The following SGK1 variants were observed in gnomAD, a reference collection of about 807,000 sequenced individuals.
SGK1 encodes serum/glucocorticoid regulated kinase 1, also known as serine/threonine-protein kinase Sgk1.
SGK1 carries 26 observed loss-of-function variants against 64.2 expected under a neutral mutation model. The ratio of observed to expected loss-of-function variants is 0.40; its 90% CI spans 0.30 to 0.56. SGK1 has a LOEUF of 0.56. Ranked by LOEUF, SGK1 falls within the 20% of genes least tolerant of loss-of-function variation. SGK1 has a pLI of 0.38. For missense variants in SGK1, 519 were observed against 645.6 expected, an observed-to-expected ratio of 0.80 and a Z score of 2.12; for synonymous variants, 265 against 239.7, an observed-to-expected ratio of 1.11 and a Z score of -0.98.
At chr6:134,275,525 G>A (rs1236583268) in intron 1 of SGK1, among the ~76,000 whole-genome samples, 2 of 152,236 alleles carry the variant, frequency 1.3e-5, no homozygotes, top group East Asian at 3.9e-4. Context: ...TGAAACAATT[G>A]GTTCCCCACT....
intron 2 of SGK1, among the ~76,000 whole-genome samples, chr6:134,251,439 A>G (rs969426626): frequency 6.6e-6 from 1 of 152,218 alleles, no homozygotes; most frequent in Admixed American, 6.5e-5. Context: ...AGAAGCAGGA[A>G]AGATTTGGTT....
intron 3 of SGK1, among the ~76,000 whole-genome samples, chr6:134,202,841 A>C (rs999539902): frequency 1.3e-5 from 2 of 152,246 alleles, no homozygotes; most frequent in Non-Finnish European, 2.9e-5. Flanking sequence ...GGTTTAGTAC[A>C]TATATAGATA....
intron 5 of SGK1, 97 bp from the exon 6 acceptor site, chr6:134,173,663 CTGATGCAAA>C: frequency 2.5e-6 from 2 of 807,586 alleles, no homozygotes; most frequent in Non-Finnish European, 3.9e-6. Flanking sequence ...CTACAAATGA[CTGATGCAAA>C]TGACCATACA....
At chr6:134,287,545 G>C (rs138116230) in intron 1 of SGK1, among the ~76,000 whole-genome samples, 1,972 of 149,590 alleles carry the variant, frequency 0.013, 42 homozygotes, top group African/African-American at 0.045. Context: ...TGGAAAATAC[G>C]TTTTGGATTG....
Position 134,253,139 on chromosome 6 carries a change from T to C in SGK1, c.285+8794A>G, listed in dbSNP as rs138230639. Reference sequence around the variant, plus strand: ...AATATAAAAGTAACAACACACCTTCTTGAGCCTAACAGATGGAGTAAGACA... The same window carrying C: ...AATATAAAAGTAACAACACACCTTCCTGAGCCTAACAGATGGAGTAAGACA... On this transcript the variant is annotated intron_variant, in intron 2 of 13. Coordinates refer to ENST00000367858, the MANE Select transcript of SGK1 (RefSeq NM_001143676.3). 4.0e-3 allele frequency among the ~76,000 whole-genome samples: 602 copies of C among 152,316 alleles called. 8 individuals carry two copies. The highest frequency in any genetic ancestry group is 0.014 in the African/African-American group (587 of 41,568).
intron 3 of SGK1, among the ~76,000 whole-genome samples, chr6:134,185,283 T>C (rs922988105): frequency 2.0e-5 from 3 of 152,214 alleles, no homozygotes; most frequent in African/African-American, 7.2e-5. Flanking sequence ...CCATAATTTT[T>C]GTATTGCCAG....
intron 2 of SGK1, among the ~76,000 whole-genome samples, chr6:134,249,840 A>C (rs1776580270): frequency 6.6e-6 from 1 of 152,198 alleles, no homozygotes; most frequent in Non-Finnish European, 1.5e-5. Context: ...AAAATAACTC[A>C]GGGCTGCTGA....
intron 2 of SGK1, among the ~76,000 whole-genome samples, chr6:134,241,689 C>T (rs1386128711): frequency 6.6e-6 from 1 of 152,186 alleles, no homozygotes; most frequent in Non-Finnish European, 1.5e-5. Flanking sequence ...GGGACAATCT[C>T]GGCTCGCTGC....
chr6:134,256,231 A>C (rs993279563), intron 2 of SGK1, among the ~76,000 whole-genome samples: 2 of 152,040 alleles, frequency 1.3e-5, no homozygotes, highest in Admixed American at 6.6e-5. Context: ...TTTTGCTGTG[A>C]TCATTTTGGA....
rs1775055908 is a variant in SGK1, at chr6:134,172,319, G to A, written c.948-3C>T. On this transcript the variant is annotated splice_polypyrimidine_tract_variant and splice_region_variant and intron_variant, in intron 9 of 13. Transcript: ENST00000367858. ...AAATATTCTCTGGTTTTAAGTCTCT[G>A]TAAAAAAGTGAATAGAAAAGTAGTT... is the stretch of plus-strand genomic sequence containing the variant. The A allele has an allele frequency of 6.2e-7, 1 of 1,606,972 alleles. No individual in the cohort carries two copies. Among genetic ancestry groups the A allele is most frequent in the African/African-American group, 1.3e-5 (1 of 74,640 alleles).
chr6:134,213,857 T>TA (rs1239677599), intron 2 of SGK1, among the ~76,000 whole-genome samples: 1 of 152,000 alleles, frequency 6.6e-6, no homozygotes, highest in Non-Finnish European at 1.5e-5. Context: ...AAACGTGATA[T>TA]AATAAGAACA....
intron 3 of SGK1, among the ~76,000 whole-genome samples, chr6:134,188,169 TA>T (rs1373381902): frequency 8.5e-5 from 13 of 152,156 alleles, no homozygotes; most frequent in Non-Finnish European, 1.8e-4. Flanking sequence ...AATACCCCTC[TA>T]CTGAGGTCAC....
chr6:134,171,219 T>C, intron 11 of SGK1, 41 bp from the exon 12 acceptor site: 1 of 1,584,824 alleles, frequency 6.3e-7, no homozygotes, highest in South Asian at 1.1e-5. Context: ...AATTGGAAGT[T>C]TCATATGGCA....
rs1273059529 is a variant in SGK1 at position 134,235,527 on chromosome 6, G to GA, written c.285+26405dup. ...GAGAAGTTTTGACAAGGAGGAAGTGGAAAAAATAGATATTTTTATTTATTT... is the reference window on the plus strand; with the variant it reads ...GAGAAGTTTTGACAAGGAGGAAGTGGAAAAAAATAGATATTTTTATTTATTT... On this transcript the variant is annotated intron_variant, in intron 2 of 13. Transcript: ENST00000367858. 1.4e-4 allele frequency among the ~76,000 whole-genome samples: 10 copies of GA among 69,882 alleles called. No homozygotes were observed. In the East Asian group the frequency reaches 1.9e-3, roughly 13 times the overall value. 45.8% of individuals were successfully genotyped at this position (69,882 alleles called of 152,430 possible). A position where few individuals can be genotyped will look rare whatever the true frequency, so the allele number is the denominator to read the frequency against.
intron 1 of SGK1, among the ~76,000 whole-genome samples, chr6:134,271,601 C>T: frequency 6.8e-6 from 1 of 147,252 alleles, no homozygotes; most frequent in Non-Finnish European, 1.5e-5. Context: ...ATCCCCTTTT[C>T]CAGTGTTTTT....
intron 3 of SGK1, among the ~76,000 whole-genome samples, chr6:134,188,284 A>G (rs768676585): frequency 5.5e-4 from 83 of 152,100 alleles, no homozygotes; most frequent in Non-Finnish European, 8.8e-4. Context: ...CTTTGTCACC[A>G]ATTTTCCAAT....
chr6:134,291,383 C>G (rs1448130555), intron 1 of SGK1, among the ~76,000 whole-genome samples: 2 of 152,210 alleles, frequency 1.3e-5, no homozygotes, highest in Non-Finnish European at 2.9e-5. Flanking sequence ...AGTTCCACAT[C>G]AGCAAACCCA....
rs1186056942 is a variant in SGK1, at chr6:134,262,018, G to C, written c.200C>G (p.Thr67Arg). The C allele has an allele frequency of 1.7e-5, 27 of 1,613,828 alleles. No homozygotes were observed. Among genetic ancestry groups the C allele is most frequent in the Non-Finnish European group, 2.3e-5 (27 of 1,179,844 alleles). The change falls in exon 2 of 14, where the codon ACA becomes AGA. Residue 67 changes from threonine (T) to arginine (R), a missense_variant. This residue lies in a region of SGK1 where 241 missense variants were observed against 236.9 expected (regional missense o/e 1.02). Transcript: ENST00000367858. ...TTGGAAAGCATGTTCACCCAGGCAT[G>C]TTTGACACAAGGAAGACTCGAAGTC... Reference protein sequence around the residue: ...EPDFESSLCQTCLGEHAFQRG... With the variant: ...EPDFESSLCQRCLGEHAFQRG...
intron 2 of SGK1, among the ~76,000 whole-genome samples, chr6:134,249,084 T>C (rs1046752851): frequency 6.6e-6 from 1 of 152,226 alleles, no homozygotes; most frequent in Non-Finnish European, 1.5e-5. Flanking sequence ...TCGTCTTTTT[T>C]GCAGAAGAAG....
Sources: gnomAD v4.1 joint callset for allele counts (sites outside exome capture counted in the v4.1 genomes callset) on GRCh38, gnomAD v4.1.1 for gene constraint, gnomAD v4.1.1 regional missense constraint, MANE v1.5 for transcripts, NCBI Gene and HGNC (gene_info 2026-07-23, HGNC 2026-07-21) for gene names.